The following MGAT4C variants were observed in gnomAD, a reference collection of about 807,000 sequenced individuals.
MGAT4C encodes alpha-1,3-mannosyl-glycoprotein 4-beta-N-acetylglucosaminyltransferase C.
Under a neutral mutation model 40.1 loss-of-function variants are expected in MGAT4C, and 19 were observed. The observed-to-expected ratio is 0.47, with a 90% CI of 0.33 to 0.70. MGAT4C has a LOEUF of 0.70. MGAT4C is among the 30% of genes least tolerant of loss of function. The probability of loss-of-function intolerance (pLI) is 0.02; values close to 1 mark genes in which losing one functional copy is unlikely to be tolerated. For synonymous variants in MGAT4C, 181 were observed against 187.1 expected (o/e 0.97, Z 0.27); for missense variants, 491 against 563.2 (o/e 0.87, Z 1.30).
intron 1 of MGAT4C, among the ~76,000 whole-genome samples, chr12:86,146,255 G>C (rs921071705): frequency 1.1e-4 from 17 of 152,196 alleles, no homozygotes; most frequent in African/African-American, 4.1e-4. Context: ...ATGGCTGGCG[G>C]GTTATTCTGT....
intron 2 of MGAT4C, among the ~76,000 whole-genome samples, chr12:86,498,906 G>C (rs746519195): frequency 2.0e-5 from 3 of 151,914 alleles, no homozygotes; most frequent in Non-Finnish European, 4.4e-5. Context: ...GCCAAGAAGA[G>C]AGAAGTCAAG....
At chr12:86,615,280 T>C (rs1184438996) in intron 2 of MGAT4C, among the ~76,000 whole-genome samples, 1 of 151,996 alleles carries the variant, frequency 6.6e-6, no homozygotes, top group Non-Finnish European at 1.5e-5. Context: ...CAGAACTCTA[T>C]ACTAAAAGGC....
intron 2 of MGAT4C, among the ~76,000 whole-genome samples, chr12:86,441,389 G>T (rs1294487017): frequency 6.6e-6 from 1 of 151,214 alleles, no homozygotes; most frequent in East Asian, 1.9e-4. Flanking sequence ...GGGTACATGT[G>T]CACAACGTGC....
At chr12:86,577,509 A>G (rs938125250) in intron 2 of MGAT4C, among the ~76,000 whole-genome samples, 3 of 151,838 alleles carry the variant, frequency 2.0e-5, no homozygotes, top group East Asian at 1.9e-4. Context: ...GAGAATTTTT[A>G]TCATAAAGGG....
In MGAT4C at chr12:85,959,496, T is replaced by C. The variant is rs1470587912; in HGVS notation, c.*19793A>G. The C allele has an allele frequency of 6.6e-6, 1 of 152,054 alleles. No individual in the cohort carries two copies. The highest frequency in any genetic ancestry group is 1.5e-5 in the Non-Finnish European group (1 of 67,966). 9.4% of individuals were successfully genotyped at this position (152,054 alleles called of 1,614,324 possible). On this transcript the variant is annotated 3_prime_UTR_variant, in exon 5 of 5. Coordinates refer to ENST00000611864, the MANE Select transcript of MGAT4C (RefSeq NM_001351288.2). ...TGCAATTTCAAACCTTGGAATTGAA[T>C]TGGATTTGAGGAGGAAAACCCATAT...
At chr12:86,143,353 C>G (rs1382605672) in intron 1 of MGAT4C, among the ~76,000 whole-genome samples, 1 of 152,146 alleles carries the variant, frequency 6.6e-6, no homozygotes, top group Non-Finnish European at 1.5e-5. Flanking sequence ...GAAATTTTCC[C>G]TGGACAAAAC....
intron 3 of MGAT4C, among the ~76,000 whole-genome samples, chr12:86,345,434 C>T (rs1000491831): frequency 6.6e-6 from 1 of 151,828 alleles, no homozygotes; most frequent in Non-Finnish European, 1.5e-5. Context: ...CCTTCCCCCA[C>T]CCCACAACAG....
At chr12:86,058,345 C>T (rs1407471731) in intron 1 of MGAT4C, among the ~76,000 whole-genome samples, 1 of 152,076 alleles carries the variant, frequency 6.6e-6, no homozygotes, top group Non-Finnish European at 1.5e-5. Flanking sequence ...ATTTTACAGT[C>T]TGCCAAATAA....
At chr12:86,630,282 G>T (rs1302642111) in intron 2 of MGAT4C, among the ~76,000 whole-genome samples, 5 of 152,052 alleles carry the variant, frequency 3.3e-5, no homozygotes, top group Non-Finnish European at 1.5e-5. Context: ...ACCAAAAAAA[G>T]TCCAGGACCA....
intron 4 of MGAT4C, among the ~76,000 whole-genome samples, chr12:86,266,755 T>A (rs1243626993): frequency 6.6e-6 from 1 of 152,154 alleles, no homozygotes; most frequent in African/African-American, 2.4e-5. Flanking sequence ...TGTAAATCCA[T>A]CTGGCACTGG....
chr12:85,990,640 T>A (rs1462276480), intron 2 of MGAT4C, among the ~76,000 whole-genome samples: 1 of 152,068 alleles, frequency 6.6e-6, no homozygotes, highest in African/African-American at 2.4e-5. Context: ...GTAAAAATAT[T>A]AGGAATTAGA....
chr12:86,680,305 A>G (rs1949957851), intron 2 of MGAT4C, among the ~76,000 whole-genome samples: 1 of 152,010 alleles, frequency 6.6e-6, no homozygotes, highest in Admixed American at 6.6e-5. Flanking sequence ...TTTACAATTT[A>G]TTTTATTTTA....
At chr12:86,285,478 G>T (rs979864816) in intron 4 of MGAT4C, among the ~76,000 whole-genome samples, 7 of 151,872 alleles carry the variant, frequency 4.6e-5, no homozygotes, top group African/African-American at 1.7e-4. Context: ...TAGCATACAA[G>T]AATATTTAAC....
At chr12:86,319,448 C>T (rs755754210) in intron 4 of MGAT4C, among the ~76,000 whole-genome samples, 2 of 152,152 alleles carry the variant, frequency 1.3e-5, no homozygotes, top group Non-Finnish European at 2.9e-5. Context: ...TCCTTCATGT[C>T]ATTCAGATCT....
At position 85,979,477 on chromosome 12, in the gene MGAT4C, C is replaced by A. The variant is rs369051385; in HGVS notation, c.1249G>T (p.Val417Phe). ...HHGALDVGENVMPSKQRRQCS... is the reference protein window; with the variant it reads ...HHGALDVGENFMPSKQRRQCS... The stretch of plus-strand genomic sequence containing the variant: ...TGTCTCCTTTGTTTGCTAGGCATAA[C>A]GTTTTCCCCAACATCTAGGGCTCCA... Residue 417 changes from valine (V) to phenylalanine (F), a missense_variant, in exon 5 of 5, where the codon GTT (valine) becomes TTT (phenylalanine). Coordinates refer to ENST00000611864, the MANE Select transcript of MGAT4C (RefSeq NM_001351288.2). The A allele has an allele frequency of 1.2e-6, 2 of 1,613,360 alleles. No homozygotes were observed. Among genetic ancestry groups the A allele is most frequent in the South Asian group, 2.2e-5 (2 of 91,060 alleles).
intron 2 of MGAT4C, among the ~76,000 whole-genome samples, chr12:86,629,357 T>TA: frequency 6.6e-6 from 1 of 152,192 alleles, no homozygotes. Flanking sequence ...GACAGAAGGT[T>TA]AACAAGGATA....
At chr12:86,521,152 T>C (rs907618658) in intron 2 of MGAT4C, among the ~76,000 whole-genome samples, 2 of 152,204 alleles carry the variant, frequency 1.3e-5, no homozygotes, top group Non-Finnish European at 2.9e-5. Flanking sequence ...CTTGTTCCTG[T>C]GCCCAAAATG....
chr12:86,667,786 A>G (rs1964152933), intron 2 of MGAT4C, among the ~76,000 whole-genome samples: 1 of 152,310 alleles, frequency 6.6e-6, no homozygotes, highest in African/African-American at 2.4e-5. Context: ...AGTCTTTCTT[A>G]GTTTGCAGGT....
At chr12:86,797,705 TC>T in intron 1 of MGAT4C, among the ~76,000 whole-genome samples, 1 of 152,104 alleles carries the variant, frequency 6.6e-6, no homozygotes, top group East Asian at 1.9e-4. Context: ...TCTCCTGATT[TC>T]AGCTAATGAA....
Sources: gnomAD v4.1 joint callset for allele counts (sites outside exome capture counted in the v4.1 genomes callset) on GRCh38, gnomAD v4.1.1 for gene constraint, MANE v1.5 for transcripts, NCBI Gene and HGNC (gene_info 2026-07-23, HGNC 2026-07-21) for gene names.